Variants in EPM2A observed in about 807,000 individuals in gnomAD.
The protein encoded by EPM2A is laforin.
In EPM2A, 21 loss-of-function variants were observed where a neutral mutation model predicts 26.5. The ratio of observed to expected loss-of-function variants is 0.79; its 90% CI spans 0.56 to 1.14. The LOEUF is 1.14. EPM2A is among the 50% of genes most tolerant of loss of function. The pLI is 0.00. For missense variants in EPM2A, 458 were observed against 440.8 expected (o/e 1.04, Z -0.35); for synonymous variants, 217 against 177.6 (o/e 1.22, Z -1.76).
rs1251525210 is a variant in EPM2A at position 145,722,631 on chromosome 6, C to T, written c.301+12567G>A. 4.5e-5 allele frequency: 13 copies of T among 287,772 alleles called. No homozygotes were observed. The Admixed American group carries it at 6.5e-4, about 14-fold the overall frequency. The allele number at this position is 287,772 out of a possible 1,614,324, so 17.8% of individuals were successfully genotyped here. A position where few individuals can be genotyped will look rare whatever the true frequency, so the allele number is the denominator to read the frequency against. ...AATGAAGTATTAGAAAAGATTTACT[C>T]TGTTATGGGTTGAGCTGTGTCCCCC... On this transcript the variant is annotated intron_variant, in intron 1 of 3. Coordinates refer to ENST00000367519, the MANE Select transcript of EPM2A (RefSeq NM_005670.4).
intron 4 of EPM2A, among the ~76,000 whole-genome samples, chr6:145,463,069 T>C (rs895802933): frequency 6.6e-6 from 1 of 152,186 alleles, no homozygotes; most frequent in Non-Finnish European, 1.5e-5. Context: ...ATTGTAAGAA[T>C]AAATAGTCCA....
At chr6:145,695,563 G>A (rs951992910) in intron 1 of EPM2A, among the ~76,000 whole-genome samples, 6 of 151,922 alleles carry the variant, frequency 3.9e-5, no homozygotes, top group Non-Finnish European at 8.8e-5. Context: ...CACTTTACTT[G>A]TAAGAACACA....
chr6:145,465,375 A>T (rs900705786), intron 4 of EPM2A, among the ~76,000 whole-genome samples: 4 of 150,302 alleles, frequency 2.7e-5, no homozygotes, highest in African/African-American at 4.9e-5. Context: ...ATTCTTCTAA[A>T]TTTTTTTCAA....
chr6:145,561,412 A>G (rs1046177258), intron 2 of EPM2A, among the ~76,000 whole-genome samples: 1 of 152,120 alleles, frequency 6.6e-6, no homozygotes, highest in Non-Finnish European at 1.5e-5. Context: ...CTGTACAATA[A>G]TATTCTATAT....
chr6:145,691,404 A>C (rs1255203896), intron 1 of EPM2A, among the ~76,000 whole-genome samples: 1 of 152,114 alleles, frequency 6.6e-6, no homozygotes, highest in Non-Finnish European at 1.5e-5. Context: ...TTCCTTCAGG[A>C]AAAAAAGGGA....
intron 4 of EPM2A, among the ~76,000 whole-genome samples, chr6:145,403,638 T>C (rs190443762): frequency 6.6e-6 from 1 of 152,286 alleles, no homozygotes; most frequent in African/African-American, 2.4e-5. Context: ...TGTGTATGAG[T>C]ACCACATTTT....
chr6:145,385,925 A>C (rs1402745607), intron 4 of EPM2A, among the ~76,000 whole-genome samples: 1 of 151,992 alleles, frequency 6.6e-6, no homozygotes, highest in African/African-American at 2.4e-5. Context: ...TGAAATCAAG[A>C]ATTTAAAATT....
At chr6:145,614,976 G>T (rs1456327121) in intron 2 of EPM2A, among the ~76,000 whole-genome samples, 2 of 152,178 alleles carry the variant, frequency 1.3e-5, no homozygotes, top group African/African-American at 4.8e-5. Flanking sequence ...ACAATAAAGG[G>T]AAGCACAGTC....
At chr6:145,523,535 TTTAA>T (rs1780231537) in intron 2 of EPM2A, among the ~76,000 whole-genome samples, 2 of 152,266 alleles carry the variant, frequency 1.3e-5, no homozygotes, top group African/African-American at 4.8e-5. Context: ...ATGTTAATAT[TTTAA>T]TTGTTTTGAG....
At chr6:145,469,142 G>A (rs947014231) in intron 4 of EPM2A, among the ~76,000 whole-genome samples, 1 of 152,032 alleles carries the variant, frequency 6.6e-6, no homozygotes, top group Non-Finnish European at 1.5e-5. Context: ...GGGGAAGAAA[G>A]GCACCCTCTT....
intron 1 of EPM2A, among the ~76,000 whole-genome samples, chr6:145,707,095 G>A (rs968793009): frequency 6.6e-6 from 1 of 152,178 alleles, no homozygotes; most frequent in East Asian, 1.9e-4. Flanking sequence ...TGACTTCCCA[G>A]CCTCCAGAAC....
At chr6:145,549,626 A>G (rs552474332) in intron 2 of EPM2A, among the ~76,000 whole-genome samples, 1 of 152,288 alleles carries the variant, frequency 6.6e-6, no homozygotes, top group Admixed American at 6.5e-5. Context: ...CCTAAGGAAC[A>G]TATGATAGAA....
intron 1 of EPM2A, among the ~76,000 whole-genome samples, chr6:145,711,346 C>T (rs1318066320): frequency 6.6e-6 from 1 of 152,174 alleles, no homozygotes; most frequent in Non-Finnish European, 1.5e-5. Flanking sequence ...AAAAGTTCTA[C>T]GTTTCCACAC....
rs1775890293 is a variant in EPM2A at position 145,627,407 on chromosome 6, G to A, written c.*9C>T. The A allele has an allele frequency of 5.6e-6, 9 of 1,613,978 alleles. No homozygotes were observed. The highest frequency in any genetic ancestry group is 1.7e-5 in the Admixed American group (1 of 60,026). ...GGAAATCAGGAGGGGGCAGAAGCAG[G>A]CTGACCAGCTACAGGCTACACACAG... On this transcript the variant is annotated 3_prime_UTR_variant, in exon 4 of 4. Coordinates refer to ENST00000367519, the MANE Select transcript of EPM2A (RefSeq NM_005670.4).
At chr6:145,671,592 A>G (rs1314812439) in intron 2 of EPM2A, among the ~76,000 whole-genome samples, 1 of 152,196 alleles carries the variant, frequency 6.6e-6, no homozygotes. Context: ...GGAAATTAAA[A>G]TTTCTAGAAC....
intron 2 of EPM2A, among the ~76,000 whole-genome samples, chr6:145,534,057 T>C (rs1780398849): frequency 6.7e-6 from 1 of 149,852 alleles, no homozygotes; most frequent in Non-Finnish European, 1.5e-5. Flanking sequence ...AAATTTGTTA[T>C]GGTTTCACTT....
chr6:145,603,791 A>G (rs1446171370), intron 2 of EPM2A, among the ~76,000 whole-genome samples: 1 of 152,184 alleles, frequency 6.6e-6, no homozygotes, highest in Non-Finnish European at 1.5e-5. Context: ...TGTTTATTGA[A>G]CTGATCTATG....
chr6:145,548,003 A>G (rs1259448464), intron 2 of EPM2A, among the ~76,000 whole-genome samples: 1 of 152,118 alleles, frequency 6.6e-6, no homozygotes, highest in East Asian at 1.9e-4. Context: ...TTTCTAATAA[A>G]TGAGACCCAA....
chr6:145,649,212 G>A (rs1157821524), intron 2 of EPM2A, among the ~76,000 whole-genome samples: 1 of 152,146 alleles, frequency 6.6e-6, no homozygotes, highest in African/African-American at 2.4e-5. Flanking sequence ...CAGAGCTGGA[G>A]CCCTGGAGCC....
Sources: gnomAD v4.1 joint callset for allele counts (sites outside exome capture counted in the v4.1 genomes callset) on GRCh38, gnomAD v4.1.1 for gene constraint, MANE v1.5 for transcripts, NCBI Gene and HGNC (gene_info 2026-07-23, HGNC 2026-07-21) for gene names.